The following WWOX variants were observed in gnomAD, a reference collection of about 807,000 sequenced individuals.
WWOX encodes the protein WW domain-containing oxidoreductase.
Under a neutral mutation model 46.2 loss-of-function variants are expected in WWOX, and 69 were observed. The observed-to-expected ratio is 1.49, with a 90% CI of 1.23 to 1.82. The LOEUF (loss-of-function observed/expected upper bound fraction) is 1.82. Among genes scored for constraint, WWOX ranks in the 40% most tolerant of loss-of-function variants. The pLI is 0.00. For synonymous variants in WWOX, 359 were observed against 202.6 expected (o/e 1.77, Z -6.56); for missense variants, 919 against 542.6 (o/e 1.69, Z -6.89).
intron 8 of WWOX, among the ~76,000 whole-genome samples, chr16:78,863,008 G>C (rs1190449390): frequency 6.7e-6 from 1 of 150,332 alleles, no homozygotes; most frequent in Non-Finnish European, 1.5e-5. Flanking sequence ...TGCCAGGGTG[G>C]AGTGCAGTGG....
At chr16:78,116,545 A>G (rs1468117869) in intron 4 of WWOX, among the ~76,000 whole-genome samples, 1 of 152,204 alleles carries the variant, frequency 6.6e-6, no homozygotes, top group Non-Finnish European at 1.5e-5. Flanking sequence ...CTGGGCTCCA[A>G]ATATGTTCAA....
intron 8 of WWOX, among the ~76,000 whole-genome samples, chr16:78,963,293 G>A (rs1459024159): frequency 6.6e-6 from 1 of 151,792 alleles, no homozygotes. Flanking sequence ...ACATAGTGAG[G>A]CCTTATCTCT....
chr16:78,898,471 C>T (rs1184464778), intron 8 of WWOX: 2 of 152,096 alleles, frequency 1.3e-5, no homozygotes, highest in Non-Finnish European at 2.9e-5. Context: ...GGGTGTATTT[C>T]TAGACTGTTG....
intron 4 of WWOX, among the ~76,000 whole-genome samples, chr16:78,118,493 C>T (rs1356791739): frequency 1.3e-5 from 2 of 152,088 alleles, no homozygotes; most frequent in Non-Finnish European, 2.9e-5. Flanking sequence ...GACCCACTGC[C>T]TGATTTTGTA....
At chr16:78,752,945 G>A (rs1194311974) in intron 8 of WWOX, among the ~76,000 whole-genome samples, 1 of 152,174 alleles carries the variant, frequency 6.6e-6, no homozygotes, top group Non-Finnish European at 1.5e-5. Flanking sequence ...TATCAGTGGG[G>A]ATAATTCTAG....
At chr16:78,127,504 G>C (rs944940984) in intron 4 of WWOX, among the ~76,000 whole-genome samples, 1 of 105,518 alleles carries the variant, frequency 9.5e-6, no homozygotes, top group African/African-American at 3.9e-5. Flanking sequence ...ATCCAGAAAA[G>C]AATAATCAAC....
intron 5 of WWOX, among the ~76,000 whole-genome samples, chr16:78,187,035 TATAAC>T (rs2035732524): frequency 6.6e-6 from 1 of 152,212 alleles, no homozygotes; most frequent in South Asian, 2.1e-4. Flanking sequence ...TATGAAAAGT[TATAAC>T]ATATATACAT....
intron 5 of WWOX, among the ~76,000 whole-genome samples, chr16:78,364,655 G>GATGTTTCC (rs74276285): frequency 2.8e-5 from 4 of 140,998 alleles, no homozygotes; most frequent in Non-Finnish European, 6.0e-5. Flanking sequence ...GTTTGTGGGT[G>GATGTTTCC]CTCTTTCTCT....
intron 8 of WWOX, among the ~76,000 whole-genome samples, chr16:78,574,584 C>G (rs868325010): frequency 9.2e-5 from 14 of 152,026 alleles, no homozygotes; most frequent in African/African-American, 2.2e-4. Flanking sequence ...TCACAAATGG[C>G]AAGATTTCAT....
chr16:78,441,442 C>T (rs565129778), intron 8 of WWOX, among the ~76,000 whole-genome samples: 12 of 152,266 alleles, frequency 7.9e-5, no homozygotes, highest in East Asian at 3.9e-4. Flanking sequence ...TGTGTAAATA[C>T]GTAAAAGATA....
chr16:79,093,730 A>C (rs1476245993), intron 8 of WWOX, among the ~76,000 whole-genome samples: 1 of 152,222 alleles, frequency 6.6e-6, no homozygotes, highest in East Asian at 1.9e-4. Flanking sequence ...CAAAAGGATA[A>C]TCAGATATTA....
intron 8 of WWOX, chr16:78,896,842 T>C (rs1276968948): frequency 6.6e-6 from 1 of 152,124 alleles, no homozygotes; most frequent in African/African-American, 2.4e-5. Context: ...TTATGTTCTA[T>C]AAAATTAGCA....
intron 8 of WWOX, among the ~76,000 whole-genome samples, chr16:78,754,728 G>C (rs555467952): frequency 2.6e-5 from 4 of 152,078 alleles, no homozygotes; most frequent in Non-Finnish European, 5.9e-5. Context: ...CTTGAAATAA[G>C]AAAAAAAGAT....
chr16:78,967,512 C>G (rs144738671), intron 8 of WWOX, among the ~76,000 whole-genome samples: 51 of 136,782 alleles, frequency 3.7e-4, no homozygotes, highest in African/African-American at 1.4e-3. Context: ...ACCATGTTCT[C>G]CAGGCTGGTT....
chr16:78,847,539 G>A (rs1308842233), intron 8 of WWOX, among the ~76,000 whole-genome samples: 1 of 151,754 alleles, frequency 6.6e-6, no homozygotes, highest in Admixed American at 6.6e-5. Context: ...TTGCTATGTT[G>A]CCCAGCTCAG....
intron 8 of WWOX, among the ~76,000 whole-genome samples, chr16:78,854,855 T>TAG (rs2052530746): frequency 6.6e-6 from 1 of 151,930 alleles, no homozygotes; most frequent in African/African-American, 2.4e-5. Flanking sequence ...GTGCTGGGAT[T>TAG]AGAGGCCTGA....
At chr16:78,210,029 G>A (rs1388158763) in intron 5 of WWOX, among the ~76,000 whole-genome samples, 5 of 151,772 alleles carry the variant, frequency 3.3e-5, no homozygotes, top group Non-Finnish European at 7.4e-5. Context: ...TACGAGAAAA[G>A]CCAAAAAGAA....
At position 78,109,784 on chromosome 16, in the gene WWOX, C is replaced by T. The variant is rs2032380813; in HGVS notation, c.179C>T (p.Pro60Leu). The T allele has an allele frequency of 6.2e-7, 1 of 1,614,046 alleles. No homozygotes were observed. The highest frequency in any genetic ancestry group is 8.5e-7 in the Non-Finnish European group (1 of 1,180,030). ...GKRKRVAGDLPYGWEQETDEN... is the reference protein window; with the variant it reads ...GKRKRVAGDLLYGWEQETDEN... Reference sequence around the variant, plus strand: ...TGTCTTTCTTGTGTTTCAGATTTGCCATACGGATGGGAACAAGAAACTGAT... The same window carrying T: ...TGTCTTTCTTGTGTTTCAGATTTGCTATACGGATGGGAACAAGAAACTGAT... Residue 60 changes from proline to leucine, a missense_variant, in exon 3 of 9, where the codon CCA becomes CTA. Transcript: ENST00000566780.
chr16:78,945,665 CTT>C (rs373395210), intron 8 of WWOX, among the ~76,000 whole-genome samples: 1 of 151,924 alleles, frequency 6.6e-6, no homozygotes, highest in Admixed American at 6.6e-5. Flanking sequence ...AAGTTGGCAT[CTT>C]TTTTTCTTTG....
Sources: gnomAD v4.1 joint callset for allele counts (sites outside exome capture counted in the v4.1 genomes callset) on GRCh38, gnomAD v4.1.1 for gene constraint, MANE v1.5 for transcripts, NCBI Gene and HGNC (gene_info 2026-07-23, HGNC 2026-07-21) for gene names.